The following TTC7B variants were observed in gnomAD, a reference collection of about 807,000 sequenced individuals.
TTC7B encodes tetratricopeptide repeat protein 7B.
TTC7B carries 28 observed loss-of-function variants against 106.8 expected under a neutral mutation model. That is an observed-to-expected ratio of 0.26 (90% confidence interval 0.19 to 0.36). The LOEUF (loss-of-function observed/expected upper bound fraction) is 0.36. Among genes scored for constraint, TTC7B ranks in the 10% least tolerant of loss-of-function variants. The probability of loss-of-function intolerance (pLI) is 1.00; values close to 1 mark genes in which losing one functional copy is unlikely to be tolerated. For missense variants in TTC7B, 862 were observed against 1,076.4 expected (o/e 0.80, Z 2.79); for synonymous variants, 405 against 430.6 (o/e 0.94, Z 0.74).
At chr14:90,680,628 T>C (rs1417195529) in intron 7 of TTC7B, 93 bp from the exon 8 acceptor site, 4 of 846,360 alleles carry the variant, frequency 4.7e-6, no homozygotes, top group Non-Finnish European at 7.7e-6. Flanking sequence ...CAGAATTTTA[T>C]ATAATACCCA....
Position 90,650,068 on chromosome 14 carries a change from C to T in TTC7B, c.1517+2773G>A, listed in dbSNP as rs147021224. On this transcript the variant is annotated intron_variant, in intron 13 of 19. Transcript: ENST00000328459. ...GGATGTTGTGGCATCTAACCCAGGGCTCTCTTAGATTCCATTTCCAACATT... is the reference window on the plus strand; with the variant it reads ...GGATGTTGTGGCATCTAACCCAGGGTTCTCTTAGATTCCATTTCCAACATT... 1.8e-4 allele frequency among the ~76,000 whole-genome samples: 28 copies of T among 152,332 alleles called. No homozygotes were observed. In the East Asian group the frequency reaches 4.8e-3, roughly 26 times the overall value.
intron 18 of TTC7B, among the ~76,000 whole-genome samples, chr14:90,583,861 C>G (rs1472050250): frequency 6.6e-6 from 1 of 152,218 alleles, no homozygotes; most frequent in African/African-American, 2.4e-5. Flanking sequence ...GCTTATTTGG[C>G]ATGAACATAA....
chr14:90,557,391 A>T (rs895730924), intron 19 of TTC7B, among the ~76,000 whole-genome samples: 3 of 152,212 alleles, frequency 2.0e-5, no homozygotes, highest in Admixed American at 6.5e-5. Flanking sequence ...CTTCTCTCTC[A>T]GCCTCAGTGT....
rs1418791566 is a variant in TTC7B at position 90,663,533 on chromosome 14, C to T, written c.1153-5146G>A. On this transcript the variant is annotated intron_variant, in intron 9 of 19. Transcript: ENST00000328459. This position sits in a 1 kb window ranked among gnomAD's most constrained non-coding sequence, Gnocchi z 4.5. ...TCCAGCTAGTAGAAGTGTCAATCAACTTTACTGATCCCACGATATCCACCA... is the reference window on the plus strand; with the variant it reads ...TCCAGCTAGTAGAAGTGTCAATCAATTTTACTGATCCCACGATATCCACCA... Among the ~76,000 whole-genome samples the T allele has an allele frequency of 1.3e-5, 2 of 152,088 alleles. No individual in the cohort carries two copies. Among genetic ancestry groups the T allele is most frequent in the Non-Finnish European group, 2.9e-5 (2 of 68,026 alleles).
chr14:90,695,339 ATATT>A (rs1887699343), intron 6 of TTC7B, among the ~76,000 whole-genome samples, 157 bp downstream of exon 6: 2 of 149,030 alleles, frequency 1.3e-5, no homozygotes, highest in Non-Finnish European at 3.0e-5. Flanking sequence ...TATGTCACAT[ATATT>A]TATTATAAAT....
intron 17 of TTC7B, among the ~76,000 whole-genome samples, chr14:90,598,385 T>C (rs1892298992): frequency 6.6e-6 from 1 of 152,144 alleles, no homozygotes; most frequent in Non-Finnish European, 1.5e-5. Context: ...GGACACCTGA[T>C]ACAGAGGCAA....
chr14:90,789,123 CAG>C (rs1891491773), intron 1 of TTC7B, among the ~76,000 whole-genome samples: 1 of 152,106 alleles, frequency 6.6e-6, no homozygotes, highest in Non-Finnish European at 1.5e-5. Flanking sequence ...TTTCTTGAGA[CAG>C]AGTTTCGCTC....
chr14:90,561,724 T>A (rs1890592176), intron 19 of TTC7B, among the ~76,000 whole-genome samples: 1 of 152,200 alleles, frequency 6.6e-6, no homozygotes, highest in South Asian at 2.1e-4. Context: ...CAAGAGTGAT[T>A]TTGCTGAGAC....
Position 90,527,936 on chromosome 14 carries a change from C to G in TTC7B, c.*13432G>C, listed in dbSNP as rs1204530756. On this transcript the variant is annotated 3_prime_UTR_variant, in exon 20 of 20. Transcript: ENST00000328459. ...GGTGTGGCGGCTCACGCCTGTAATC[C>G]CAGCACTTTGGGAGGCTGAGGCGGG... 2 of 151,766 alleles carry G rather than the reference C, an allele frequency of 1.3e-5. No homozygotes were observed. Among genetic ancestry groups the G allele is most frequent in the Non-Finnish European group, 2.9e-5 (2 of 67,974 alleles). The allele number at this position is 151,766 out of a possible 1,614,324, so 9.4% of individuals were successfully genotyped here. A position where few individuals can be genotyped will look rare whatever the true frequency, so the allele number is the denominator to read the frequency against.
At chr14:90,675,582 T>TA (rs1012828555) in intron 9 of TTC7B, among the ~76,000 whole-genome samples, 4 of 152,068 alleles carry the variant, frequency 2.6e-5, no homozygotes, top group Non-Finnish European at 5.9e-5. Flanking sequence ...AACCATGGAC[T>TA]AAAAAAAGAT....
intron 7 of TTC7B, among the ~76,000 whole-genome samples, chr14:90,687,919 G>A (rs1422525310): frequency 2.0e-5 from 3 of 152,214 alleles, no homozygotes; most frequent in African/African-American, 7.2e-5. Context: ...GTCAACTTAA[G>A]AGGATTATTA....
At chr14:90,709,070 A>G (rs1312542660) in intron 5 of TTC7B, among the ~76,000 whole-genome samples, 1 of 151,834 alleles carries the variant, frequency 6.6e-6, no homozygotes, top group Non-Finnish European at 1.5e-5. Context: ...AAATAGGAAC[A>G]CTTTTACACT....
Position 90,730,090 on chromosome 14 carries a change from A to G in TTC7B, c.683T>C (p.Leu228Pro). 1 of 1,602,282 alleles carries G rather than the reference A, an allele frequency of 6.2e-7. No individual in the cohort carries two copies. Among genetic ancestry groups the G allele is most frequent in the South Asian group, 1.1e-5 (1 of 88,336 alleles). ...LETGLQRAHV[L>P]YFKNGNLTRG... ...GATGGCTTACCCATTTTTGAAATAG[A>G]GGACATGGGCTCTCTGAAGTCCTGT... is the stretch of plus-strand genomic sequence containing the variant. Residue 228 changes from leucine to proline, a missense_variant, in exon 5 of 20, where the codon CTC becomes CCC. Coordinates refer to ENST00000328459, the MANE Select transcript of TTC7B (RefSeq NM_001010854.2).
At chr14:90,676,748 A>T (rs1176131101) in intron 8 of TTC7B, 88 bp from the exon 9 acceptor site, 2 of 1,454,944 alleles carry the variant, frequency 1.4e-6, no homozygotes, top group Non-Finnish European at 1.9e-6. Flanking sequence ...TGCCCCTACC[A>T]ATTTGCGAAG....
At chr14:90,724,080 C>T (rs116039934) in intron 5 of TTC7B, among the ~76,000 whole-genome samples, 2,323 of 152,240 alleles carry the variant, frequency 0.015, 14 homozygotes, top group South Asian at 0.032. Context: ...ACCACTGGAA[C>T]GTCCCTCTGG....
intron 6 of TTC7B, among the ~76,000 whole-genome samples, chr14:90,690,303 T>C (rs1200311787): frequency 6.6e-6 from 1 of 152,184 alleles, no homozygotes; most frequent in Non-Finnish European, 1.5e-5. Context: ...CCTTGTGCAA[T>C]AGGGAAGGCA....
At chr14:90,557,214 T>C (rs1890351582) in intron 19 of TTC7B, among the ~76,000 whole-genome samples, 1 of 152,160 alleles carries the variant, frequency 6.6e-6, no homozygotes, top group Non-Finnish European at 1.5e-5. Flanking sequence ...GGCTGATCTT[T>C]TATCACTGAA....
At chr14:90,574,452 CA>C (rs1891172053) in intron 19 of TTC7B, among the ~76,000 whole-genome samples, 1 of 152,166 alleles carries the variant, frequency 6.6e-6, no homozygotes, top group Non-Finnish European at 1.5e-5. Context: ...TGCTAATAAA[CA>C]CATGATTTCT....
At position 90,742,881 on chromosome 14, in the gene TTC7B, C is replaced by A. The variant is rs900393700; in HGVS notation, c.576+1911G>T. 6.6e-6 allele frequency among the ~76,000 whole-genome samples: 1 copy of A among 152,190 alleles called. No homozygotes were observed. On this transcript the variant is annotated intron_variant, in intron 4 of 19. Transcript: ENST00000328459. This position sits in a 1 kb window ranked among gnomAD's most constrained non-coding sequence, Gnocchi z 4.1. ...AACACATGAGCCTCCTTTCTCCCAGCCGGGAGAAGACGGCTCCAAAGTGAC... is the reference window on the plus strand; with the variant it reads ...AACACATGAGCCTCCTTTCTCCCAGACGGGAGAAGACGGCTCCAAAGTGAC...
Sources: gnomAD v4.1 joint callset for allele counts (sites outside exome capture counted in the v4.1 genomes callset) on GRCh38, gnomAD v4.1.1 for gene constraint, Gnocchi (gnomAD v3.1) non-coding constraint, MANE v1.5 for transcripts, NCBI Gene and HGNC (gene_info 2026-07-23, HGNC 2026-07-21) for gene names.